TENT5D: variants seen among roughly 807,000 people sequenced by gnomAD.
The protein encoded by TENT5D is terminal nucleotidyltransferase 5D.
For missense variants in TENT5D, 191 were observed against 287.0 expected, an observed-to-expected ratio of 0.67 and a Z score of 2.42; for synonymous variants, 103 against 100.6, an observed-to-expected ratio of 1.02 and a Z score of -0.15.
At chrX:80,398,052 T>A (rs1163860987) in intron 3 of TENT5D, among the ~76,000 whole-genome samples, 1 of 112,227 alleles carries the variant, frequency 8.9e-6, no homozygotes, top group Non-Finnish European at 1.9e-5. Context: ...AGGCATTCCC[T>A]TTTCTCTACA....
At chrX:80,361,577 G>A (rs1930405967) in intron 3 of TENT5D, among the ~76,000 whole-genome samples, 1 of 111,553 alleles carries the variant, frequency 9.0e-6, no homozygotes, top group African/African-American at 3.3e-5. Flanking sequence ...TAGTACATAT[G>A]TGGAATTATC....
chrX:80,360,830 AG>A (rs1274052079), intron 3 of TENT5D, among the ~76,000 whole-genome samples: 1 of 112,119 alleles, frequency 8.9e-6, no homozygotes, highest in Non-Finnish European at 1.9e-5. Context: ...TTCCAAGTCA[AG>A]CAAATTAGTT....
At chrX:80,415,266 A>G (rs748300996) in intron 3 of TENT5D, among the ~76,000 whole-genome samples, 124 of 111,552 alleles carry the variant, frequency 1.1e-3, no homozygotes, top group Non-Finnish European at 2.0e-3. Context: ...CTGTCTTCCT[A>G]TTTGGATACC....
intron 1 of TENT5D, among the ~76,000 whole-genome samples, chrX:80,430,612 G>T (rs757381204): frequency 1.6e-4 from 18 of 111,967 alleles, no homozygotes; most frequent in Non-Finnish European, 3.4e-4. Flanking sequence ...CTGCAGAAAA[G>T]ATTTAGTTGT....
At chrX:80,341,543 G>T (rs946359912) in intron 2 of TENT5D, among the ~76,000 whole-genome samples, 1 of 111,223 alleles carries the variant, frequency 9.0e-6, no homozygotes, top group Non-Finnish European at 1.9e-5. Flanking sequence ...GACAAGATCA[G>T]TGTATAAGGC....
intron 3 of TENT5D, among the ~76,000 whole-genome samples, chrX:80,368,905 A>G (rs1174097053): frequency 1.8e-5 from 2 of 111,818 alleles, no homozygotes; most frequent in Non-Finnish European, 3.8e-5. Context: ...TGCTGCTTAT[A>G]TCAACCTTTT....
At chrX:80,428,528 C>T (rs1485004085) in intron 1 of TENT5D, among the ~76,000 whole-genome samples, 2 of 112,445 alleles carry the variant, frequency 1.8e-5, no homozygotes, top group African/African-American at 6.5e-5. Context: ...GATTAAATGC[C>T]TTCCTTATGG....
At chrX:80,435,412 A>G (rs1036509425) in intron 1 of TENT5D, among the ~76,000 whole-genome samples, 4 of 112,137 alleles carry the variant, frequency 3.6e-5, no homozygotes, top group African/African-American at 1.3e-4. Context: ...AAAACACTGG[A>G]AACATGTAAA....
At chrX:80,340,595 T>A (rs1929939242) in intron 2 of TENT5D, among the ~76,000 whole-genome samples, 1 of 111,229 alleles carries the variant, frequency 9.0e-6, no homozygotes, top group Non-Finnish European at 1.9e-5. Flanking sequence ...ATATTTTTTC[T>A]AAAATTTGCA....
At chrX:80,396,898 G>A (rs1381476942) in intron 3 of TENT5D, among the ~76,000 whole-genome samples, 5 of 38,015 alleles carry the variant, frequency 1.3e-4, no homozygotes, top group African/African-American at 3.0e-4. Context: ...TGGCCGGGCG[G>A]GGGGCTGACC....
chrX:80,420,916 G>A lies in TENT5D; in HGVS notation c.-142+353G>A, dbSNP rs766740680. ...AAACTCCCTACGTCCTACATTAATT[G>A]ACTGACACATTGACATCTCAATAAA... On this transcript the variant is annotated intron_variant, in intron 1 of 2. Transcript: ENST00000308293. 8.9e-5 allele frequency among the ~76,000 whole-genome samples: 10 copies of A among 111,889 alleles called. No individual in the cohort carries two copies. The East Asian group carries it at 2.8e-3, about 32-fold the overall frequency.
intron 3 of TENT5D, among the ~76,000 whole-genome samples, chrX:80,370,246 A>T (rs375527914): frequency 1.3e-4 from 14 of 110,645 alleles, no homozygotes; most frequent in African/African-American, 4.6e-4. Flanking sequence ...TGGCCCACAA[A>T]CCTTTATTAA....
rs775221687 is a variant in TENT5D, at chrX:80,343,391, C to CT, written c.-142+846dup. ...TCTTTAGGACCAGGTCATTTTATTTCTTTTTTTTTTTTTTTTTTTGTCTGA... is the reference window on the plus strand; with the variant it reads ...TCTTTAGGACCAGGTCATTTTATTTCTTTTTTTTTTTTTTTTTTTTGTCTGA... On this transcript the variant is annotated intron_variant, in intron 3 of 4. Coordinates refer to the TENT5D transcript ENST00000538312. 6.6e-3 allele frequency among the ~76,000 whole-genome samples: 550 copies of CT among 83,294 alleles called. 3 individuals carry two copies. Among genetic ancestry groups the CT allele is most frequent in the East Asian group, 9.0e-3 (24 of 2,670 alleles). 72.3% of individuals were successfully genotyped at this position (83,294 alleles called of 115,157 possible).
intron 3 of TENT5D, among the ~76,000 whole-genome samples, chrX:80,380,906 TTATC>T (rs982047843): frequency 9.8e-5 from 11 of 111,849 alleles, no homozygotes; most frequent in African/African-American, 2.9e-4. Flanking sequence ...TCTTGAATCT[TTATC>T]CAATTTTTCA....
intron 2 of TENT5D, among the ~76,000 whole-genome samples, chrX:80,441,743 T>C (rs1176039505): frequency 6.3e-5 from 7 of 111,269 alleles, no homozygotes; most frequent in Non-Finnish European, 7.6e-5. Context: ...TCTGAGCATA[T>C]TATATTGCAA....
intron 3 of TENT5D, among the ~76,000 whole-genome samples, chrX:80,362,345 A>G (rs890281500): frequency 9.1e-6 from 1 of 110,207 alleles, no homozygotes; most frequent in Non-Finnish European, 1.9e-5. Flanking sequence ...TTGTATGTTT[A>G]ATAGAGACGA....
intron 2 of TENT5D, among the ~76,000 whole-genome samples, chrX:80,336,630 C>T (rs142123778): frequency 4.2e-3 from 462 of 109,400 alleles, no homozygotes; most frequent in African/African-American, 0.015. Flanking sequence ...TTTCCCTGGA[C>T]TCTTAGTATT....
chrX:80,414,527 A>G (rs1931730266), intron 3 of TENT5D, among the ~76,000 whole-genome samples: 1 of 112,084 alleles, frequency 8.9e-6, no homozygotes, highest in African/African-American at 3.2e-5. Flanking sequence ...GTTTGTTTTT[A>G]TACATTTTAG....
chrX:80,409,285 A>G (rs1422292603), intron 3 of TENT5D, among the ~76,000 whole-genome samples: 1 of 110,660 alleles, frequency 9.0e-6, no homozygotes, highest in Non-Finnish European at 1.9e-5. Flanking sequence ...AGGGTATTCA[A>G]TTAGGAAAAG....
Sources: gnomAD v4.1 joint callset for allele counts (sites outside exome capture counted in the v4.1 genomes callset) on GRCh38, gnomAD v4.1.1 for gene constraint, MANE v1.5 for transcripts, NCBI Gene and HGNC (gene_info 2026-07-23, HGNC 2026-07-21) for gene names.